Variants in CSNK1G2 observed in about 807,000 individuals in gnomAD.
CSNK1G2 encodes casein kinase 1 gamma 2, also known as casein kinase I isoform gamma-2.
A neutral mutation model predicts 48.0 loss-of-function variants in CSNK1G2; 11 were observed. The ratio of observed to expected loss-of-function variants is 0.23; its 90% confidence interval spans 0.14 to 0.38. The LOEUF (loss-of-function observed/expected upper bound fraction) is 0.38. Ranked by LOEUF, CSNK1G2 falls within the 10% of genes least tolerant of loss-of-function variation. The pLI is 1.00. For synonymous variants in CSNK1G2, 337 were observed against 254.1 expected, an observed-to-expected ratio of 1.33 and a Z score of -3.10; for missense variants, 446 against 595.5, an observed-to-expected ratio of 0.75 and a Z score of 2.61.
chr19:1,963,454 C>T (rs1162080764), intron 1 of CSNK1G2, among the ~76,000 whole-genome samples: 1 of 151,756 alleles, frequency 6.6e-6, no homozygotes, highest in Non-Finnish European at 1.5e-5. Context: ...CCTCGTGATC[C>T]CCCTGCCTCG....
intron 2 of CSNK1G2, among the ~76,000 whole-genome samples, chr19:1,976,370 G>A (rs776134258): frequency 2.0e-5 from 3 of 152,108 alleles, no homozygotes; most frequent in Admixed American, 6.5e-5. Context: ...GTCTTCCCTC[G>A]TCCTCACGAT....
Position 1,941,282 on chromosome 19 carries a change from C to G in CSNK1G2, c.-402C>G, listed in dbSNP as rs2014346914. ...GAGGCCGGCCCAGGCGGCGCGGGAG[C>G]CGGAGCGGGGGCCCAAGCGGCACCG... On this transcript the variant is annotated 5_prime_UTR_variant, in exon 1 of 12. Coordinates refer to ENST00000255641, the MANE Select transcript of CSNK1G2 (RefSeq NM_001319.7). The G allele has an allele frequency of 1.6e-5, 1 of 60,620 alleles. No individual in the cohort carries two copies. The highest frequency in any genetic ancestry group is 3.1e-5 in the Non-Finnish European group (1 of 31,884). 3.8% of individuals were successfully genotyped at this position (60,620 alleles called of 1,614,324 possible).
chr19:1,954,171 C>T (rs906553035), intron 1 of CSNK1G2: 1 of 410,188 alleles, frequency 2.4e-6, no homozygotes, highest in East Asian at 5.9e-5. Flanking sequence ...GTTGGTTTGT[C>T]CTGGCCGCGG....
intron 2 of CSNK1G2, among the ~76,000 whole-genome samples, chr19:1,976,499 C>T (rs2015760596): frequency 6.6e-6 from 1 of 152,218 alleles, no homozygotes; most frequent in Non-Finnish European, 1.5e-5. Context: ...CAGAAGGAGC[C>T]CCAGCGATTC....
intron 2 of CSNK1G2, among the ~76,000 whole-genome samples, chr19:1,970,810 C>T (rs2015542205): frequency 6.6e-6 from 1 of 152,202 alleles, no homozygotes; most frequent in Non-Finnish European, 1.5e-5. Flanking sequence ...GAATCAGGGT[C>T]CCTGGGAAAG....
At chr19:1,959,033 G>A (rs978010424) in intron 1 of CSNK1G2, among the ~76,000 whole-genome samples, 2 of 149,726 alleles carry the variant, frequency 1.3e-5, no homozygotes, top group African/African-American at 2.5e-5. Flanking sequence ...TCTGCTCCCA[G>A]GGTGCGAGTT....
chr19:1,970,442 C>T (rs1184278952), intron 2 of CSNK1G2, among the ~76,000 whole-genome samples: 4 of 152,208 alleles, frequency 2.6e-5, no homozygotes, highest in African/African-American at 7.2e-5. Context: ...TGTAAAAGGC[C>T]GCACCTGGCC....
intron 2 of CSNK1G2, among the ~76,000 whole-genome samples, chr19:1,976,345 G>C (rs2015754598): frequency 6.6e-6 from 1 of 152,140 alleles, no homozygotes; most frequent in Non-Finnish European, 1.5e-5. Flanking sequence ...GCTCAGGGCT[G>C]CAGGGAGGCA....
chr19:1,949,861 C>T (rs993594219), intron 1 of CSNK1G2, among the ~76,000 whole-genome samples: 3 of 152,238 alleles, frequency 2.0e-5, no homozygotes, highest in South Asian at 2.1e-4. Flanking sequence ...ATCCCCATGC[C>T]GTCTAGAAAG....
rs184298898 is a variant in CSNK1G2, at chr19:1,953,635, G to A, written c.-266+12217G>A. On this transcript the variant is annotated intron_variant, in intron 1 of 11. Transcript: ENST00000255641. ...TGCCAGCTTTTCCCTGGTCAGCTCTGCCCGTGGCCCTCACCTGTGGTCTGT... is the reference window on the plus strand; with the variant it reads ...TGCCAGCTTTTCCCTGGTCAGCTCTACCCGTGGCCCTCACCTGTGGTCTGT... 1,146 of 413,710 alleles carry A rather than the reference G, an allele frequency of 2.8e-3. 3 individuals are homozygous for A. The highest frequency in any genetic ancestry group is 4.6e-3 in the Non-Finnish European group (923 of 200,808). The allele number at this position is 413,710 out of a possible 1,614,324, so 25.6% of individuals were successfully genotyped here. A position where few individuals can be genotyped will look rare whatever the true frequency, so the allele number is the denominator to read the frequency against.
chr19:1,979,715 C>G (rs749203595), intron 9 of CSNK1G2, 37 bp from the exon 10 acceptor site: 6 of 1,603,182 alleles, frequency 3.7e-6, no homozygotes, highest in Non-Finnish European at 3.4e-6. Flanking sequence ...GGAACCGGCG[C>G]TGCAGCCCAT....
At chr19:1,967,321 G>T (rs140249921) in intron 1 of CSNK1G2, among the ~76,000 whole-genome samples, 2 of 152,238 alleles carry the variant, frequency 1.3e-5, no homozygotes, top group South Asian at 2.1e-4. Flanking sequence ...TGCACCCACG[G>T]CCCCTCTTCA....
At chr19:1,946,871 A>G (rs1050814011) in intron 1 of CSNK1G2, among the ~76,000 whole-genome samples, 1 of 151,880 alleles carries the variant, frequency 6.6e-6, no homozygotes, top group Non-Finnish European at 1.5e-5. Flanking sequence ...TCGGCCTCTC[A>G]AAGTGCTGGG....
chr19:1,948,451 A>G (rs1458979927), intron 1 of CSNK1G2, among the ~76,000 whole-genome samples: 6 of 136,060 alleles, frequency 4.4e-5, no homozygotes, highest in Non-Finnish European at 7.7e-5. Context: ...TGAACCCGGG[A>G]GGCGAAGCTT....
Position 1,978,526 on chromosome 19 carries a change from G to A in CSNK1G2, c.298+15G>A, listed in dbSNP as rs201199524. ...CAGCGCCACAGGTACCGGGCGGCCC[G>A]CGGGTGGGGCGGGGGCTGCGCAGGG... On this transcript the variant is annotated intron_variant, in intron 4 of 11. Transcript: ENST00000255641. This position sits in a 1 kb window ranked among gnomAD's most constrained non-coding sequence, Gnocchi z 7.3. The A allele has an allele frequency of 2.4e-4, 370 of 1,569,856 alleles. No homozygotes were observed. In the African/African-American group the frequency reaches 4.6e-3, roughly 19 times the overall value.
At position 1,980,244 on chromosome 19, in the gene CSNK1G2, C is replaced by T. The variant is rs377743517; in HGVS notation, c.*41C>T. 218 of 1,610,526 alleles carry T rather than the reference C, an allele frequency of 1.4e-4. 1 individual carries two copies. In the South Asian group the frequency reaches 1.6e-3, roughly 12 times the overall value. On this transcript the variant is annotated 3_prime_UTR_variant, in exon 12 of 12. Transcript: ENST00000255641. The stretch of plus-strand genomic sequence containing the variant: ...GCCCCCTGAATCTTCTCCGTGCAGC[C>T]CCTTGGGGCGCGACCTTGTGCGAGG...
rs368618107 is a variant in CSNK1G2 at position 1,979,364 on chromosome 19, C to T, written c.814C>T (p.Arg272Cys). 166 of 1,604,828 alleles carry T rather than the reference C, an allele frequency of 1.0e-4. No homozygotes were observed. Among genetic ancestry groups the T allele is most frequent in the African/African-American group, 2.7e-5 (2 of 74,794 alleles). The change falls in exon 8 of 12, where the codon CGC becomes TGC. Residue 272 changes from arginine (R) to cysteine (C), a missense_variant. Around this residue, in one of 2 missense-constraint regions of CSNK1G2, gnomAD observed 258 missense variants for 415.9 expected, o/e 0.62. Coordinates refer to ENST00000255641, the MANE Select transcript of CSNK1G2 (RefSeq NM_001319.7). ...ERYQKIGDTK[R>C]ATPIEVLCEN... ...GTACCAGAAGATCGGGGACACCAAA[C>T]GCGCCACGCCCATCGAGGTGCTCTG...
In CSNK1G2 at chr19:1,978,954, G is replaced by A; in HGVS notation, c.543G>A (p.Gln181=). Residue 181 remains glutamine (Q), a synonymous_variant, in exon 6 of 12, where the codon CAG becomes CAA. Transcript: ENST00000255641. This position sits in a 1 kb window ranked among gnomAD's most constrained non-coding sequence, Gnocchi z 7.3. ...TGGGCCGCCCGGGGACCAAGCGGCAGCATGCCATCCACATCATCGACTTCG... is the reference window on the plus strand; with the variant it reads ...TGGGCCGCCCGGGGACCAAGCGGCAACATGCCATCCACATCATCGACTTCG... The part of the protein sequence containing the change: ...FLVGRPGTKR[Q]HAIHIIDFGL... 2.5e-6 allele frequency: 4 copies of A among 1,601,312 alleles called. No individual in the cohort carries two copies. Among genetic ancestry groups the A allele is most frequent in the Non-Finnish European group, 2.5e-6 (3 of 1,179,698 alleles).
chr19:1,967,167 G>C (rs1237730995), intron 1 of CSNK1G2, among the ~76,000 whole-genome samples: 1 of 152,208 alleles, frequency 6.6e-6, no homozygotes, highest in Non-Finnish European at 1.5e-5. Context: ...CGGAACCCAA[G>C]GCCTGTGATC....
Sources: gnomAD v4.1 joint callset for allele counts (sites outside exome capture counted in the v4.1 genomes callset) on GRCh38, gnomAD v4.1.1 for gene constraint, gnomAD v4.1.1 regional missense constraint, Gnocchi (gnomAD v3.1) non-coding constraint, MANE v1.5 for transcripts, NCBI Gene and HGNC (gene_info 2026-07-23, HGNC 2026-07-21) for gene names.